DIS3L2: variants seen among roughly 807,000 people sequenced by gnomAD.
DIS3L2 encodes the protein DIS3-like exonuclease 2.
Under a neutral mutation model 97.5 loss-of-function variants are expected in DIS3L2, and 34 were observed. That is an observed-to-expected ratio of 0.35 (90% CI 0.27 to 0.46). The LOEUF (loss-of-function observed/expected upper bound fraction) is 0.46. Ranked by LOEUF, DIS3L2 falls within the 20% of genes least tolerant of loss-of-function variation. The pLI is 1.00. For missense variants in DIS3L2, 1,038 were observed against 1,146.0 expected (o/e 0.91, Z 1.36); for synonymous variants, 435 against 445.2 (o/e 0.98, Z 0.29).
intron 1 of DIS3L2, among the ~76,000 whole-genome samples, chr2:231,992,062 G>T (rs1252575686): frequency 1.3e-5 from 2 of 152,168 alleles, no homozygotes; most frequent in African/African-American, 4.8e-5. Context: ...TGAGGGATGA[G>T]GACTGGAGCT....
At chr2:232,307,349 A>G (rs2106327489) in intron 14 of DIS3L2, among the ~76,000 whole-genome samples, 1 of 152,224 alleles carries the variant, frequency 6.6e-6, no homozygotes, top group Non-Finnish European at 1.5e-5. Context: ...TTGTCTTTTC[A>G]TTTGCCGTAG....
intron 12 of DIS3L2, among the ~76,000 whole-genome samples, chr2:232,258,065 C>T (rs750840896): frequency 2.6e-5 from 4 of 152,138 alleles, no homozygotes; most frequent in Non-Finnish European, 4.4e-5. Context: ...AAGAATACTC[C>T]GAGTGTTAGA....
intron 12 of DIS3L2, among the ~76,000 whole-genome samples, chr2:232,262,703 A>G (rs1693742831): frequency 6.6e-6 from 1 of 152,160 alleles, no homozygotes; most frequent in Admixed American, 6.5e-5. Context: ...TGTGCCCCAA[A>G]TGGAAAAGTC....
chr2:232,099,220 ATTT>A (rs572085302), intron 6 of DIS3L2, among the ~76,000 whole-genome samples: 3 of 143,166 alleles, frequency 2.1e-5, no homozygotes, highest in Non-Finnish European at 1.5e-5. Context: ...TATTTTTTGT[ATTT>A]TTTTTTTTTT....
At chr2:232,009,539 T>C (rs538163335) in intron 1 of DIS3L2, among the ~76,000 whole-genome samples, 1 of 152,350 alleles carries the variant, frequency 6.6e-6, no homozygotes, top group East Asian at 1.9e-4. Flanking sequence ...CAGCCTATGA[T>C]TGGTCAGAGG....
At chr2:232,158,683 C>T (rs530599806) in intron 8 of DIS3L2, among the ~76,000 whole-genome samples, 1 of 152,020 alleles carries the variant, frequency 6.6e-6, no homozygotes, top group Admixed American at 6.6e-5. Flanking sequence ...CTTTTCCAAA[C>T]AGCACTGGTC....
chr2:232,157,633 G>T (rs1056054521), intron 8 of DIS3L2, among the ~76,000 whole-genome samples: 1 of 152,216 alleles, frequency 6.6e-6, no homozygotes, highest in Non-Finnish European at 1.5e-5. Flanking sequence ...TTTTAGTGGA[G>T]GAATTACTGC....
chr2:231,977,087 A>T (rs1323473136), intron 1 of DIS3L2, among the ~76,000 whole-genome samples: 1 of 152,060 alleles, frequency 6.6e-6, no homozygotes, highest in Non-Finnish European at 1.5e-5. Flanking sequence ...TTTTATAATA[A>T]AGTGTTGAAT....
At chr2:232,323,250 A>G (rs1324468826) in intron 14 of DIS3L2, among the ~76,000 whole-genome samples, 2 of 152,148 alleles carry the variant, frequency 1.3e-5, no homozygotes, top group South Asian at 4.1e-4. Context: ...GGCCGCCCCT[A>G]CCTCTGGGAG....
Position 232,164,052 on chromosome 2 carries a change from G to A in DIS3L2, c.1124+420G>A, listed in dbSNP as rs192518232. On this transcript the variant is annotated intron_variant, in intron 9 of 20. Coordinates refer to ENST00000325385, the MANE Select transcript of DIS3L2 (RefSeq NM_152383.5). ...CATATGGCCTGCAAAGCCAAAAGTA[G>A]TTACTGTCAGCCTTTTACAGAAAAA... Among the ~76,000 whole-genome samples the A allele has an allele frequency of 4.4e-3, 666 of 152,278 alleles. 2 individuals are homozygous for A. Among genetic ancestry groups the A allele is most frequent in the Non-Finnish European group, 7.3e-3 (494 of 68,020 alleles).
rs1695554727 is a variant in DIS3L2, at chr2:232,325,792, A to G, written c.1740-4021A>G. On this transcript the variant is annotated intron_variant, in intron 14 of 20. Transcript: ENST00000325385. This position sits in a 1 kb window ranked among gnomAD's most constrained non-coding sequence, Gnocchi z 4.6. ...GGCAGTCCCTGAGCTCCAGCGCCCCATCCCCCGCAGGGCCCAGTGATCTCA... is the reference window on the plus strand; with the variant it reads ...GGCAGTCCCTGAGCTCCAGCGCCCCGTCCCCCGCAGGGCCCAGTGATCTCA... 6.6e-6 allele frequency among the ~76,000 whole-genome samples: 1 copy of G among 152,136 alleles called. No homozygotes were observed. Among genetic ancestry groups the G allele is most frequent in the African/African-American group, 2.4e-5 (1 of 41,424 alleles).
intron 12 of DIS3L2, chr2:232,260,752 C>G (rs1347916219): frequency 6.6e-6 from 1 of 152,174 alleles, no homozygotes; most frequent in Non-Finnish European, 1.5e-5. Context: ...ATTGATTCTT[C>G]CTTTAAGGGA....
intron 12 of DIS3L2, among the ~76,000 whole-genome samples, chr2:232,251,205 G>A (rs1321692695): frequency 6.6e-6 from 1 of 152,024 alleles, no homozygotes; most frequent in Non-Finnish European, 1.5e-5. Flanking sequence ...AGAAAATGAA[G>A]TAAACAGGAA....
At chr2:232,019,580 T>G (rs1224740052) in intron 3 of DIS3L2, among the ~76,000 whole-genome samples, 3 of 140,078 alleles carry the variant, frequency 2.1e-5, no homozygotes, top group African/African-American at 5.4e-5. Context: ...TTTTAAAGAG[T>G]AAAATCAGCT....
chr2:232,061,238 C>T (rs1180935447), intron 5 of DIS3L2, among the ~76,000 whole-genome samples: 1 of 152,222 alleles, frequency 6.6e-6, no homozygotes, highest in Non-Finnish European at 1.5e-5. Flanking sequence ...TGGGGCTGCT[C>T]AGGGACTGTG....
intron 6 of DIS3L2, among the ~76,000 whole-genome samples, chr2:232,090,163 G>A (rs553618354): frequency 1.3e-5 from 2 of 152,216 alleles, no homozygotes; most frequent in East Asian, 3.9e-4. Flanking sequence ...TTGAACTCCT[G>A]GCCTCAAGCG....
chr2:232,146,161 C>T (rs1254405355), intron 8 of DIS3L2, among the ~76,000 whole-genome samples: 1 of 152,104 alleles, frequency 6.6e-6, no homozygotes, highest in Admixed American at 6.5e-5. Flanking sequence ...ATTATGTTGC[C>T]TAAGGAAGGG....
chr2:231,971,158 G>A (rs1692894711), intron 1 of DIS3L2, among the ~76,000 whole-genome samples: 1 of 152,154 alleles, frequency 6.6e-6, no homozygotes, highest in South Asian at 2.1e-4. Context: ...ACATTTTACA[G>A]TTAAATTACT....
intron 1 of DIS3L2, among the ~76,000 whole-genome samples, chr2:231,976,829 G>A (rs1408823849): frequency 6.8e-6 from 1 of 146,562 alleles, no homozygotes; most frequent in African/African-American, 2.5e-5. Flanking sequence ...GTACAGTGGC[G>A]CGATCTTGGC....
Sources: gnomAD v4.1 joint callset for allele counts (sites outside exome capture counted in the v4.1 genomes callset) on GRCh38, gnomAD v4.1.1 for gene constraint, Gnocchi (gnomAD v3.1) non-coding constraint, MANE v1.5 for transcripts, NCBI Gene and HGNC (gene_info 2026-07-23, HGNC 2026-07-21) for gene names.